Variants in RTKN2 observed in about 807,000 individuals in gnomAD.
The protein encoded by RTKN2 is rhotekin-2.
A neutral mutation model predicts 71.5 loss-of-function variants in RTKN2; 69 were observed. The observed-to-expected ratio is 0.96, with a 90% confidence interval of 0.79 to 1.18. The LOEUF is 1.18. Ranked by LOEUF, RTKN2 falls within the 50% of genes most tolerant of loss-of-function variation. RTKN2 has a pLI of 0.00. For synonymous variants in RTKN2, 236 were observed against 236.5 expected (o/e 1.00, Z 0.02); for missense variants, 724 against 719.7 (o/e 1.01, Z -0.07).
downstream of RTKN2, among the ~76,000 whole-genome samples, chr10:62,190,815 T>C (rs1379490744): frequency 6.6e-6 from 1 of 152,138 alleles, no homozygotes; most frequent in Non-Finnish European, 1.5e-5. Flanking sequence ...TGAACTAGCA[T>C]TCAAGGTCCT....
intron 5 of RTKN2, chr10:62,238,834 C>T (rs879368207): frequency 6.6e-6 from 1 of 151,802 alleles, no homozygotes; most frequent in Non-Finnish European, 1.5e-5. Flanking sequence ...TGTCTAGCTC[C>T]ATAGCTGAAA....
intron 8 of RTKN2, among the ~76,000 whole-genome samples, chr10:62,217,716 T>C (rs535652557): frequency 6.6e-6 from 1 of 152,224 alleles, no homozygotes; most frequent in Non-Finnish European, 1.5e-5. Context: ...TGGAATCTTT[T>C]AGAAAAAGCT....
intron 6 of RTKN2, among the ~76,000 whole-genome samples, chr10:62,227,933 A>G (rs554446119): frequency 6.6e-6 from 1 of 152,334 alleles, no homozygotes; most frequent in South Asian, 2.1e-4. Context: ...CCAAGCAACT[A>G]GAAAAATGGA....
intron 10 of RTKN2, among the ~76,000 whole-genome samples, chr10:62,200,362 C>CAAAAAAAAAAAAAAAAAAA (rs67854159): frequency 1.3e-5 from 1 of 79,502 alleles, no homozygotes; most frequent in Non-Finnish European, 2.3e-5. Flanking sequence ...GACTCCGTCT[C>CAAAAAAAAAAAAAAAAAAA]AAAAAAAAAA....
At chr10:62,268,524 C>G (rs374922599) in intron 1 of RTKN2, 27 bp downstream of exon 1, 207 of 1,549,150 alleles carry the variant, frequency 1.3e-4, no homozygotes, top group Non-Finnish European at 1.7e-4. Flanking sequence ...CCTCACCTTC[C>G]GCGGCAGGGT....
At chr10:62,225,981 C>T (rs918774791) in intron 6 of RTKN2, among the ~76,000 whole-genome samples, 2 of 152,012 alleles carry the variant, frequency 1.3e-5, no homozygotes, top group Non-Finnish European at 2.9e-5. Context: ...CGGGGTTTCA[C>T]CGTGTTAGCC....
chr10:62,205,346 A>G (rs988958809), intron 9 of RTKN2, among the ~76,000 whole-genome samples: 4 of 152,188 alleles, frequency 2.6e-5, no homozygotes, highest in Non-Finnish European at 5.9e-5. Context: ...TGTCTTTTAT[A>G]TACATCTTAA....
At chr10:62,203,254 C>A (rs1427585801) in intron 10 of RTKN2, among the ~76,000 whole-genome samples, 2 of 151,936 alleles carry the variant, frequency 1.3e-5, no homozygotes, top group Admixed American at 6.6e-5. Flanking sequence ...TAAGACAGAA[C>A]ATTTAGTAAA....
At chr10:62,216,290 C>A (rs1841767824) in intron 9 of RTKN2, among the ~76,000 whole-genome samples, 1 of 151,934 alleles carries the variant, frequency 6.6e-6, no homozygotes, top group African/African-American at 2.4e-5. Flanking sequence ...CACACTTCAA[C>A]TACACCAAAG....
In RTKN2 at chr10:62,252,226, A is replaced by T. The variant is rs187657376; in HGVS notation, c.258-6169T>A. 8.5e-5 allele frequency among the ~76,000 whole-genome samples: 13 copies of T among 152,254 alleles called. 1 individual carries two copies. Among genetic ancestry groups the T allele is most frequent in the Admixed American group, 7.9e-4 (12 of 15,284 alleles). ...AAGTACTTTCAGTCTCCAGGCAAAAAGTCAAACTCATTTACAAAGGAAAGA... is the reference window on the plus strand; with the variant it reads ...AAGTACTTTCAGTCTCCAGGCAAAATGTCAAACTCATTTACAAAGGAAAGA... On this transcript the variant is annotated intron_variant, in intron 2 of 11. Transcript: ENST00000373789.
At chr10:62,202,116 C>T (rs72835166) in intron 10 of RTKN2, among the ~76,000 whole-genome samples, 15,525 of 152,180 alleles carry the variant, frequency 0.1, 848 homozygotes, top group South Asian at 0.18. Context: ...CTACCATTCT[C>T]TGCTCCACTC....
Position 62,198,009 on chromosome 10 carries a change from C to A in RTKN2, c.1729G>T (p.Asp577Tyr), listed in dbSNP as rs566823553. ...TTGGCTTCAAAATTGGTTTTAGTGT[C>A]TGTGTGCTCACCATCACTTAATCTA... ...RNRLSDGEHT[D>Y]TKTNFEAKPV... The change falls in exon 12 of 12, where the codon GAC becomes TAC. Residue 577 changes from aspartate (D) to tyrosine (Y), a missense_variant. By Grantham distance (160) the Asp-to-Tyr change is radical (BLOSUM62 -3). Coordinates refer to ENST00000373789, the MANE Select transcript of RTKN2 (RefSeq NM_145307.4). The A allele has an allele frequency of 6.2e-7, 1 of 1,614,004 alleles. No homozygotes were observed. Among genetic ancestry groups the A allele is most frequent in the Admixed American group, 1.7e-5 (1 of 60,008 alleles).
At chr10:62,189,815 AT>A (rs541079750), downstream of RTKN2, among the ~76,000 whole-genome samples, 71 of 142,226 alleles carry the variant, frequency 5.0e-4, no homozygotes, top group Admixed American at 7.0e-4. Flanking sequence ...GGCAACAGAG[AT>A]TTTTTTTTTT....
At chr10:62,268,189 C>T (rs887481772) in intron 1 of RTKN2, among the ~76,000 whole-genome samples, 18 of 152,246 alleles carry the variant, frequency 1.2e-4, no homozygotes, top group African/African-American at 4.3e-4. Context: ...TGTCCACTGG[C>T]CTCGCTGGGT....
chr10:62,214,273 A>G (rs942231314), intron 9 of RTKN2, among the ~76,000 whole-genome samples: 2 of 152,114 alleles, frequency 1.3e-5, no homozygotes, highest in African/African-American at 4.8e-5. Flanking sequence ...TTTAGACAGA[A>G]GTTATGTACA....
At chr10:62,205,731 C>A (rs976131517) in intron 9 of RTKN2, among the ~76,000 whole-genome samples, 1 of 152,112 alleles carries the variant, frequency 6.6e-6, no homozygotes, top group African/African-American at 2.4e-5. Context: ...TACTAGAATG[C>A]TATTATGATG....
chr10:62,258,578 C>T (rs1353076301), intron 2 of RTKN2, among the ~76,000 whole-genome samples: 2 of 152,118 alleles, frequency 1.3e-5, no homozygotes, highest in Non-Finnish European at 2.9e-5. Context: ...TACCCTGCTG[C>T]CAAATAACCT....
chr10:62,202,919 G>T (rs1040962854), intron 10 of RTKN2, among the ~76,000 whole-genome samples: 1 of 152,166 alleles, frequency 6.6e-6, no homozygotes, highest in Non-Finnish European at 1.5e-5. Context: ...CCAGCACTTT[G>T]GGGGGCTGAG....
At chr10:62,203,694 A>C (rs1473080481) in intron 10 of RTKN2, among the ~76,000 whole-genome samples, 1 of 152,186 alleles carries the variant, frequency 6.6e-6, no homozygotes, top group African/African-American at 2.4e-5. Flanking sequence ...GCATGAAATG[A>C]ATATTTGAAC....
Sources: gnomAD v4.1 joint callset for allele counts (sites outside exome capture counted in the v4.1 genomes callset) on GRCh38, gnomAD v4.1.1 for gene constraint, MANE v1.5 for transcripts, NCBI Gene and HGNC (gene_info 2026-07-23, HGNC 2026-07-21) for gene names.